The following SEMA3D variants were observed in gnomAD, a reference collection of about 807,000 sequenced individuals.
The protein encoded by SEMA3D is semaphorin 3D.
Under a neutral mutation model 100.1 loss-of-function variants are expected in SEMA3D, and 84 were observed. The ratio of observed to expected loss-of-function variants is 0.84; its 90% CI spans 0.70 to 1.01. SEMA3D has a LOEUF of 1.01. SEMA3D is among the 50% of genes least tolerant of loss of function. The pLI is 0.00. For missense variants in SEMA3D, 875 were observed against 934.1 expected (o/e 0.94, Z 0.82); for synonymous variants, 312 against 320.7 (o/e 0.97, Z 0.29).
At chr7:85,096,083 T>C (rs1440524141) in intron 4 of SEMA3D, among the ~76,000 whole-genome samples, 1 of 151,970 alleles carries the variant, frequency 6.6e-6, no homozygotes, top group Non-Finnish European at 1.5e-5. Context: ...CTGAGACATA[T>C]TTGGAAAAAA....
chr7:85,010,284 A>G (rs745935280), intron 17 of SEMA3D, among the ~76,000 whole-genome samples: 15 of 151,894 alleles, frequency 9.9e-5, no homozygotes, highest in Non-Finnish European at 2.2e-4. Context: ...CTTACATGCC[A>G]TAGGAAAGCT....
the SEMA3D span, among the ~76,000 whole-genome samples, chr7:85,215,246 C>G: frequency 5.1e-4 from 77 of 151,784 alleles, no homozygotes; most frequent in Non-Finnish European, 4.0e-4. Context: ...CTGTGCAAAT[C>G]ACAGGGCTTG....
intron 1 of SEMA3D, among the ~76,000 whole-genome samples, chr7:85,181,221 G>A (rs1168836716): frequency 6.6e-6 from 1 of 151,926 alleles, no homozygotes; most frequent in Non-Finnish European, 1.5e-5. Context: ...TTATCCAATA[G>A]AAAGAACCAG....
At chr7:85,124,407 T>C (rs576731989) in intron 2 of SEMA3D, among the ~76,000 whole-genome samples, 1 of 151,968 alleles carries the variant, frequency 6.6e-6, no homozygotes, top group African/African-American at 2.4e-5. Flanking sequence ...CTAACATATA[T>C]TCACTTATAT....
At chr7:85,229,109 G>C in the SEMA3D span, among the ~76,000 whole-genome samples, 4,264 of 151,892 alleles carry the variant, frequency 0.028, 86 homozygotes, top group South Asian at 0.069. Flanking sequence ...TTTACCATAA[G>C]AAGATATACT....
At chr7:85,042,088 T>C in intron 10 of SEMA3D, 83 bp downstream of exon 10, 1 of 980,470 alleles carries the variant, frequency 1.0e-6, no homozygotes, top group Non-Finnish European at 1.6e-6. Flanking sequence ...TAATCAGGCA[T>C]TTGGAGCCAA....
chr7:85,204,397 A>G, the SEMA3D span, among the ~76,000 whole-genome samples: 3 of 151,572 alleles, frequency 2.0e-5, no homozygotes, highest in South Asian at 4.2e-4. Flanking sequence ...TAGCCTTCCA[A>G]TGTCATTTAT....
intron 12 of SEMA3D, chr7:85,028,943 T>C (rs1252413554): frequency 1.4e-5 from 4 of 280,372 alleles, no homozygotes; most frequent in Non-Finnish European, 1.5e-5. Flanking sequence ...TTGCTTATGA[T>C]GCAGCTGTCC....
intron 17 of SEMA3D, among the ~76,000 whole-genome samples, chr7:85,012,279 C>G (rs995348023): frequency 1.3e-5 from 2 of 151,686 alleles, no homozygotes; most frequent in African/African-American, 4.8e-5. Flanking sequence ...ATAGTATACC[C>G]AGGACAATTA....
At chr7:85,188,206 G>C (rs1402793732), upstream of SEMA3D, among the ~76,000 whole-genome samples, 1 of 152,176 alleles carries the variant, frequency 6.6e-6, no homozygotes, top group Admixed American at 6.5e-5. Flanking sequence ...AGCTAAAGGA[G>C]TCATTTTAAG....
intron 18 of SEMA3D, among the ~76,000 whole-genome samples, chr7:85,003,867 G>C (rs1220701806): frequency 6.6e-6 from 1 of 152,016 alleles, no homozygotes; most frequent in African/African-American, 2.4e-5. Context: ...TTTTGCCTCA[G>C]GGATTCATAA....
intron 5 of SEMA3D, among the ~76,000 whole-genome samples, chr7:85,081,242 T>C (rs965416626): frequency 6.6e-5 from 10 of 152,182 alleles, no homozygotes; most frequent in Admixed American, 2.0e-4. Flanking sequence ...TTGAATACTT[T>C]AATGTGTTTC....
chr7:85,220,083 TAAAAA>T, the SEMA3D span, among the ~76,000 whole-genome samples: 1 of 152,004 alleles, frequency 6.6e-6, no homozygotes. Flanking sequence ...ACTGTAATAA[TAAAAA>T]AATCAGTACT....
At chr7:85,155,324 T>C (rs912255303) in intron 1 of SEMA3D, among the ~76,000 whole-genome samples, 1 of 152,218 alleles carries the variant, frequency 6.6e-6, no homozygotes, top group African/African-American at 2.4e-5. Context: ...TAAAAATATA[T>C]AACTAAATAG....
At chr7:85,211,782 G>A in the SEMA3D span, among the ~76,000 whole-genome samples, 25 of 151,958 alleles carry the variant, frequency 1.6e-4, no homozygotes, top group East Asian at 7.7e-4. Flanking sequence ...AATGAAGATC[G>A]TTGTGATGAT....
the SEMA3D span, among the ~76,000 whole-genome samples, chr7:85,200,323 G>A: frequency 1.3e-5 from 2 of 151,592 alleles, no homozygotes; most frequent in African/African-American, 2.4e-5. Flanking sequence ...CCAAAACGTT[G>A]TTAGGGATAT....
At chr7:85,060,635 A>C (rs1483720179) in intron 8 of SEMA3D, among the ~76,000 whole-genome samples, 1 of 152,176 alleles carries the variant, frequency 6.6e-6, no homozygotes, top group African/African-American at 2.4e-5. Flanking sequence ...GCATAAACTC[A>C]TGTGGCCTGC....
chr7:85,038,434 T>C (rs1296578591), intron 11 of SEMA3D, among the ~76,000 whole-genome samples: 1 of 152,202 alleles, frequency 6.6e-6, no homozygotes, highest in African/African-American at 2.4e-5. Flanking sequence ...GGCATTGCCA[T>C]TATTGCAGGT....
intron 4 of SEMA3D, among the ~76,000 whole-genome samples, chr7:85,085,492 A>C (rs1788188654): frequency 6.6e-6 from 1 of 152,164 alleles, no homozygotes; most frequent in Non-Finnish European, 1.5e-5. Flanking sequence ...ACCTAAATAA[A>C]AGTTTCAAAG....
Sources: allele counts gnomAD v4.1 joint callset (sites outside exome capture counted in the v4.1 genomes callset), GRCh38; gene constraint gnomAD v4.1.1; transcripts MANE v1.5; gene names NCBI Gene and HGNC (gene_info 2026-07-23, HGNC 2026-07-21).